The following PTRH2 variants were observed in gnomAD, a reference collection of about 807,000 sequenced individuals.
PTRH2 encodes peptidyl-tRNA hydrolase 2.
In PTRH2, 10 loss-of-function variants were observed where a neutral mutation model predicts 12.3. That is an observed-to-expected ratio of 0.81 (90% confidence interval 0.50 to 1.38). PTRH2 has a LOEUF of 1.38. Ranked by LOEUF, PTRH2 falls within the 40% of genes most tolerant of loss-of-function variation. The probability of loss-of-function intolerance (pLI) is 0.00; values close to 1 mark genes in which losing one functional copy is unlikely to be tolerated. For missense variants in PTRH2, 176 were observed against 214.1 expected, an observed-to-expected ratio of 0.82 and a Z score of 1.11; for synonymous variants, 73 against 77.4, an observed-to-expected ratio of 0.94 and a Z score of 0.30.
In PTRH2 at chr17:59,705,341, T is replaced by G. The variant is rs1173989612; in HGVS notation, c.-1+2030A>C. 2.0e-5 allele frequency among the ~76,000 whole-genome samples: 3 copies of G among 152,198 alleles called. No individual in the cohort carries two copies. In the East Asian group the frequency reaches 5.8e-4, roughly 29 times the overall value. ...TCCATTACCTCATTTATTGTTGCTA[T>G]GAACACATAAAAAGGAAGATATATT... On this transcript the variant is annotated intron_variant, in intron 1 of 1. Transcript: ENST00000393038.
At chr17:59,699,276 G>T (rs1198773189) in intron 1 of PTRH2, 6 of 182,320 alleles carry the variant, frequency 3.3e-5, no homozygotes, top group Non-Finnish European at 4.7e-5. Context: ...TGCCGTGGGT[G>T]TAACTTCTTC....
intron 1 of PTRH2, chr17:59,699,713 T>TC (rs2033521790): frequency 6.5e-6 from 1 of 153,020 alleles, no homozygotes; most frequent in African/African-American, 2.4e-5. Flanking sequence ...CATCACTGAT[T>TC]TGCTTCTTAT....
intron 1 of PTRH2, chr17:59,700,038 T>C (rs1206372785): frequency 1.3e-5 from 2 of 152,092 alleles, no homozygotes; most frequent in African/African-American, 2.4e-5. Context: ...ATCACAAGAG[T>C]GTACTGTACC....
chr17:59,700,962 G>A (rs1447602636), intron 1 of PTRH2: 8 of 152,238 alleles, frequency 5.3e-5, no homozygotes, highest in Non-Finnish European at 1.2e-4. Flanking sequence ...CAGGATTGCA[G>A]AGGAATATTG....
intron 1 of PTRH2, chr17:59,698,723 G>A: frequency 1.7e-6 from 1 of 590,914 alleles, no homozygotes; most frequent in East Asian, 2.8e-5. Context: ...ACTTAGCCTA[G>A]CCTACCTTAA....
At chr17:59,698,261 A>C (rs2033486203) in intron 1 of PTRH2, 1 of 419,948 alleles carries the variant, frequency 2.4e-6, no homozygotes, top group South Asian at 3.6e-5. Flanking sequence ...GTCTTCCCTT[A>C]GTCTTGTGGA....
chr17:59,698,995 G>A (rs1233684305), intron 1 of PTRH2: 7 of 670,206 alleles, frequency 1.0e-5, no homozygotes, highest in Middle Eastern at 2.4e-4. Flanking sequence ...GATGAACATC[G>A]AGAATAGGTG....
intron 1 of PTRH2, among the ~76,000 whole-genome samples, chr17:59,703,582 G>T (rs4968391): frequency 0.51 from 76,688 of 151,702 alleles, 21,657 homozygotes; most frequent in Non-Finnish European, 0.65. Flanking sequence ...TCGGCTCACT[G>T]CAACCTCTGC....
At position 59,701,433 on chromosome 17, in the gene PTRH2, G is replaced by T. The variant is rs117200345; in HGVS notation, c.1-3455C>A. ...TGCATAGGGTTTTGATTTTGGAGAC[G>T]AACAATTACAAAGAACATAGCTATA... On this transcript the variant is annotated intron_variant, in intron 1 of 1. Coordinates refer to ENST00000393038, the MANE Select transcript of PTRH2 (RefSeq NM_016077.5). 4 of 152,120 alleles carry T rather than the reference G, an allele frequency of 2.6e-5. No homozygotes were observed. In the South Asian group the frequency reaches 8.3e-4, roughly 31 times the overall value. 9.4% of individuals were successfully genotyped at this position (152,120 alleles called of 1,614,324 possible).
chr17:59,701,456 A>G (rs1433438666), intron 1 of PTRH2: 2 of 152,164 alleles, frequency 1.3e-5, no homozygotes, highest in African/African-American at 4.8e-5. Flanking sequence ...GAACATAGCT[A>G]TAGGAATGGG....
chr17:59,699,057 T>G (rs2033507094), intron 1 of PTRH2: 7 of 577,002 alleles, frequency 1.2e-5, no homozygotes, highest in Non-Finnish European at 2.2e-5. Context: ...AAGCATAGTG[T>G]TGTTCTTCAG....
At chr17:59,704,034 C>G (rs1450890327) in intron 1 of PTRH2, among the ~76,000 whole-genome samples, 1 of 151,298 alleles carries the variant, frequency 6.6e-6, no homozygotes, top group Non-Finnish European at 1.5e-5. Context: ...TCTCGAGCTC[C>G]TGACCTCAGG....
At chr17:59,705,860 G>T (rs1475932784) in intron 1 of PTRH2, among the ~76,000 whole-genome samples, 1 of 150,668 alleles carries the variant, frequency 6.6e-6, no homozygotes, top group African/African-American at 2.4e-5. Flanking sequence ...AGTGAGCCAT[G>T]ATCGTGCCAC....
At chr17:59,704,179 A>G (rs1027549831) in intron 1 of PTRH2, among the ~76,000 whole-genome samples, 3 of 152,244 alleles carry the variant, frequency 2.0e-5, no homozygotes, top group Admixed American at 6.5e-5. Context: ...TCATTTAGAC[A>G]ACAGTAGTGG....
At chr17:59,702,944 G>C (rs1465011515) in intron 1 of PTRH2, among the ~76,000 whole-genome samples, 1 of 152,146 alleles carries the variant, frequency 6.6e-6, no homozygotes, top group Non-Finnish European at 1.5e-5. Context: ...TAAGTGTTCT[G>C]AGCACCTTTA....
chr17:59,698,153 GTAC>G lies in PTRH2; in HGVS notation c.1-178_1-176del, dbSNP rs367944454. 1.0e-4 allele frequency: 63 copies of G among 625,188 alleles called. No homozygotes were observed. The African/African-American group carries it at 1.1e-3, about 11-fold the overall frequency. The allele number at this position is 625,188 out of a possible 1,614,324, so 38.7% of individuals were successfully genotyped here. A position where few individuals can be genotyped will look rare whatever the true frequency, so the allele number is the denominator to read the frequency against. On this transcript the variant is annotated intron_variant, in intron 1 of 1. Coordinates refer to ENST00000393038, the MANE Select transcript of PTRH2 (RefSeq NM_016077.5). ...CAACACCCTCTTGCCCACCACCAGT[GTAC>G]TAGAAAAGATTCAAGCATCCACATG...
At chr17:59,700,461 G>T (rs193161096) in intron 1 of PTRH2, 1 of 152,322 alleles carries the variant, frequency 6.6e-6, no homozygotes, top group African/African-American at 2.4e-5. Flanking sequence ...TGCACTGCAT[G>T]ATTGGCACGG....
chr17:59,698,407 G>A (rs960061383), intron 1 of PTRH2: 6 of 215,780 alleles, frequency 2.8e-5, no homozygotes, highest in Non-Finnish European at 5.6e-5. Flanking sequence ...ACCCTCAGAA[G>A]AACCTCACTG....
At chr17:59,699,014 C>T (rs372896219) in intron 1 of PTRH2, 2 of 637,162 alleles carry the variant, frequency 3.1e-6, no homozygotes, top group Admixed American at 2.6e-5. Flanking sequence ...TGGTAGAAGG[C>T]ATTGGGACAT....
Sources: allele counts gnomAD v4.1 joint callset (sites outside exome capture counted in the v4.1 genomes callset), GRCh38; gene constraint gnomAD v4.1.1; transcripts MANE v1.5; gene names NCBI Gene and HGNC (gene_info 2026-07-23, HGNC 2026-07-21).